The following GLIS3 variants were observed in gnomAD, a reference collection of about 807,000 sequenced individuals.
The protein encoded by GLIS3 is GLIS family zinc finger 3, also known as zinc finger protein GLIS3.
In GLIS3, 53 loss-of-function variants were observed where a neutral mutation model predicts 78.6. That is an observed-to-expected ratio of 0.67 (90% confidence interval 0.54 to 0.85). The LOEUF (loss-of-function observed/expected upper bound fraction) is 0.85. Among genes scored for constraint, GLIS3 ranks in the 40% least tolerant of loss-of-function variants. GLIS3 has a pLI of 0.00. For missense variants in GLIS3, 1,703 were observed against 1,231.1 expected (o/e 1.38, Z -5.74); for synonymous variants, 684 against 509.9 (o/e 1.34, Z -4.60).
intron 4 of GLIS3, among the ~76,000 whole-genome samples, chr9:4,055,860 G>A (rs1197156243): frequency 6.6e-6 from 1 of 152,184 alleles, no homozygotes; most frequent in African/African-American, 2.4e-5. Context: ...TCCTTTCTTA[G>A]AACATTTCTT....
chr9:4,068,817 C>T (rs1409024205), intron 4 of GLIS3, among the ~76,000 whole-genome samples: 1 of 141,342 alleles, frequency 7.1e-6, no homozygotes, highest in Non-Finnish European at 1.5e-5. Flanking sequence ...TTTGTGCATG[C>T]ATGCATGCAT....
chr9:4,184,680 G>C (rs369959166), intron 2 of GLIS3, among the ~76,000 whole-genome samples: 1 of 152,216 alleles, frequency 6.6e-6, no homozygotes, highest in Non-Finnish European at 1.5e-5. Flanking sequence ...CTGGTTGGAG[G>C]GGAGATTTAG....
In GLIS3 at chr9:3,833,332, C is replaced by T. The variant is rs570562368; in HGVS notation, c.2474-3840G>A. Among the ~76,000 whole-genome samples the T allele has an allele frequency of 1.3e-5, 2 of 152,324 alleles. 1 individual carries two copies. The highest frequency in any genetic ancestry group is 4.1e-4 in the South Asian group (2 of 4,830). ...GTTTTCATATATTCTCTTCCCAGCA[C>T]TATTTTCACAAACCAACACTTTTTA... On this transcript the variant is annotated intron_variant, in intron 9 of 10. Coordinates refer to ENST00000381971, the MANE Select transcript of GLIS3 (RefSeq NM_001042413.2).
chr9:3,885,730 T>C (rs1219677186), intron 7 of GLIS3, among the ~76,000 whole-genome samples: 1 of 152,170 alleles, frequency 6.6e-6, no homozygotes, highest in Non-Finnish European at 1.5e-5. Context: ...CCCTGGAGAA[T>C]TTTAGAGCTG....
chr9:4,278,015 T>G (rs1304667997), intron 2 of GLIS3, among the ~76,000 whole-genome samples: 1 of 151,530 alleles, frequency 6.6e-6, no homozygotes, highest in African/African-American at 2.4e-5. Flanking sequence ...CATTAAAAAT[T>G]TACATGTAGT....
intron 9 of GLIS3, among the ~76,000 whole-genome samples, chr9:3,842,107 G>A (rs1818755544): frequency 6.6e-6 from 1 of 152,206 alleles, no homozygotes; most frequent in Non-Finnish European, 1.5e-5. Context: ...CTAAAAGGAA[G>A]TGCTGCTGCA....
At chr9:4,230,831 G>A (rs1822191984) in intron 2 of GLIS3, among the ~76,000 whole-genome samples, 1 of 152,190 alleles carries the variant, frequency 6.6e-6, no homozygotes, top group Non-Finnish European at 1.5e-5. Flanking sequence ...CTAATTCTAA[G>A]AAAGCCAAAT....
the GLIS3 span, among the ~76,000 whole-genome samples, chr9:4,488,216 A>T: frequency 9.9e-5 from 15 of 152,222 alleles, no homozygotes; most frequent in African/African-American, 3.6e-4. Context: ...CGGCTTCCCA[A>T]AGTGCTGGGA....
chr9:4,285,838 C>G (rs1827941171), intron 2 of GLIS3, 200 bp downstream of exon 2: 1 of 643,730 alleles, frequency 1.6e-6, no homozygotes, highest in Non-Finnish European at 2.8e-6. Flanking sequence ...ATGTCTCATA[C>G]TCAGCATTTA....
intron 4 of GLIS3, among the ~76,000 whole-genome samples, chr9:4,099,603 G>C (rs1053657003): frequency 7.9e-5 from 12 of 152,118 alleles, no homozygotes; most frequent in Non-Finnish European, 1.5e-4. Context: ...AGGTACTGGG[G>C]GTGATGACTT....
At chr9:4,411,121 T>C in the GLIS3 span, among the ~76,000 whole-genome samples, 3 of 152,190 alleles carry the variant, frequency 2.0e-5, no homozygotes, top group African/African-American at 7.2e-5. Flanking sequence ...AGCCATATTG[T>C]CAAAACTGGT....
chr9:4,236,184 C>CAAAAAAAAAA (rs59839951), intron 2 of GLIS3, among the ~76,000 whole-genome samples: 61 of 84,224 alleles, frequency 7.2e-4, no homozygotes, highest in Non-Finnish European at 1.0e-3. Context: ...GTGGTTGTCA[C>CAAAAAAAAAA]AAAAAAAAAA....
At chr9:4,123,381 C>T (rs145164807) in intron 3 of GLIS3, among the ~76,000 whole-genome samples, 1 of 152,030 alleles carries the variant, frequency 6.6e-6, no homozygotes, top group Non-Finnish European at 1.5e-5. Flanking sequence ...TAAAAAGCCT[C>T]AAAACTCTTT....
the GLIS3 span, among the ~76,000 whole-genome samples, chr9:4,473,303 G>C: frequency 3.3e-5 from 5 of 151,988 alleles, no homozygotes; most frequent in African/African-American, 7.2e-5. Context: ...AAAAGTAGCT[G>C]AGCATGATGG....
chr9:4,295,649 G>C (rs946131593), intron 1 of GLIS3, among the ~76,000 whole-genome samples: 3 of 152,210 alleles, frequency 2.0e-5, no homozygotes, highest in African/African-American at 7.2e-5. Context: ...GAGTGTGAGA[G>C]ATGTTTCTGG....
intron 2 of GLIS3, among the ~76,000 whole-genome samples, chr9:4,195,943 G>A (rs879388272): frequency 2.0e-5 from 3 of 152,220 alleles, no homozygotes; most frequent in African/African-American, 7.2e-5. Flanking sequence ...CTCAAGGTTT[G>A]TAAATGCACC....
chr9:4,338,383 CACACAT>C lies in GLIS3; in HGVS notation n.264+8692_264+8697del, dbSNP rs1350314893. On this transcript the variant is annotated intron_variant and non_coding_transcript_variant, in intron 2 of 4. Transcript: ENST00000471664. ...ATATGTGTGTACACACACACACACACACACATACACACACACACACACACACAATTT... is the reference window on the plus strand; with the variant it reads ...ATATGTGTGTACACACACACACACACACACACACACACACACACACAATTT... Among the ~76,000 whole-genome samples, 871 of 125,862 alleles carry C rather than the reference CACACAT, an allele frequency of 6.9e-3. 11 individuals carry two copies. Among genetic ancestry groups the C allele is most frequent in the African/African-American group, 0.026 (821 of 31,618 alleles). 82.6% of individuals were successfully genotyped at this position (125,862 alleles called of 152,430 possible).
At chr9:4,075,555 G>A (rs1232217837) in intron 4 of GLIS3, among the ~76,000 whole-genome samples, 1 of 152,170 alleles carries the variant, frequency 6.6e-6, no homozygotes, top group Non-Finnish European at 1.5e-5. Context: ...CAGACTGGAT[G>A]ACAGAGCGAG....
At chr9:4,115,992 T>C (rs1831607533) in intron 4 of GLIS3, among the ~76,000 whole-genome samples, 1 of 152,240 alleles carries the variant, frequency 6.6e-6, no homozygotes, top group South Asian at 2.1e-4. Context: ...ATCAGCTTAT[T>C]CTTTCACTGA....
Sources: allele counts gnomAD v4.1 joint callset (sites outside exome capture counted in the v4.1 genomes callset), GRCh38; gene constraint gnomAD v4.1.1; transcripts MANE v1.5; gene names NCBI Gene and HGNC (gene_info 2026-07-23, HGNC 2026-07-21).